RARRES1: variants seen among roughly 807,000 people sequenced by gnomAD.
The protein encoded by RARRES1 is retinoic acid receptor responder 1.
In RARRES1, 34 loss-of-function variants were observed where a neutral mutation model predicts 30.6. That is an observed-to-expected ratio of 1.11 (90% CI 0.84 to 1.48). RARRES1 has a LOEUF of 1.48. RARRES1 is among the 40% of genes most tolerant of loss of function. RARRES1 has a pLI of 0.00. For synonymous variants in RARRES1, 153 were observed against 155.5 expected (o/e 0.98, Z 0.12); for missense variants, 373 against 386.5 (o/e 0.97, Z 0.29).
At chr3:158,716,934 A>G (rs1294538468) in intron 1 of RARRES1, among the ~76,000 whole-genome samples, 1 of 152,142 alleles carries the variant, frequency 6.6e-6, no homozygotes, top group Non-Finnish European at 1.5e-5. Flanking sequence ...AAATGTTTAT[A>G]TTTTTGGTTG....
chr3:158,703,003 TACTC>T (rs1402721487), intron 4 of RARRES1, among the ~76,000 whole-genome samples: 1 of 152,232 alleles, frequency 6.6e-6, no homozygotes, highest in Non-Finnish European at 1.5e-5. Flanking sequence ...ACTCAGAAGA[TACTC>T]ACTGATGATC....
chr3:158,716,040 C>G (rs1727312478), intron 1 of RARRES1, among the ~76,000 whole-genome samples: 1 of 152,230 alleles, frequency 6.6e-6, no homozygotes, highest in African/African-American at 2.4e-5. Flanking sequence ...ACCGCAGCAC[C>G]TGGGAGTCTG....
intron 1 of RARRES1, among the ~76,000 whole-genome samples, chr3:158,729,292 T>A (rs890643886): frequency 3.0e-4 from 46 of 151,290 alleles, no homozygotes; most frequent in African/African-American, 1.1e-3. Flanking sequence ...AGCCCCTGCA[T>A]CCTCACTGGA....
chr3:158,720,266 A>ATG (rs375127638), intron 1 of RARRES1, among the ~76,000 whole-genome samples: 40,917 of 123,708 alleles, frequency 0.33, 5,022 homozygotes, highest in South Asian at 0.45. Context: ...GTGTGTGTGT[A>ATG]TGTGTGTGAG....
At chr3:158,730,412 C>CTTCCTTCT (rs1559877017) in intron 1 of RARRES1, among the ~76,000 whole-genome samples, 3 of 121,516 alleles carry the variant, frequency 2.5e-5, no homozygotes, top group African/African-American at 9.7e-5. Context: ...TCCTTCCTTC[C>CTTCCTTCT]TTCCTCTCTC....
At chr3:158,722,956 G>A (rs1378318463) in intron 1 of RARRES1, among the ~76,000 whole-genome samples, 1 of 151,212 alleles carries the variant, frequency 6.6e-6, no homozygotes, top group East Asian at 1.9e-4. Context: ...GCAAATAAAA[G>A]AGCAGGGATG....
intron 1 of RARRES1, among the ~76,000 whole-genome samples, chr3:158,716,426 T>C (rs1191976070): frequency 6.6e-6 from 1 of 152,190 alleles, no homozygotes; most frequent in Non-Finnish European, 1.5e-5. Flanking sequence ...GATATAATTG[T>C]GCATATTTTA....
rs1210208364 is a variant in RARRES1, at chr3:158,732,436, G to C, written c.-21C>G. The C allele has an allele frequency of 4.6e-6, 7 of 1,516,182 alleles. No individual in the cohort carries two copies. The highest frequency in any genetic ancestry group is 5.2e-5 in the East Asian group (2 of 38,558). The allele number at this position is 1,516,182 out of a possible 1,614,324, so 93.9% of individuals were successfully genotyped here. On this transcript the variant is annotated 5_prime_UTR_variant, in exon 1 of 6. Coordinates refer to ENST00000237696, the MANE Select transcript of RARRES1 (RefSeq NM_206963.2). ...TGCATGGACGCAGGAAAGTTGGCTC[G>C]GCACCCGACAGACACGGGCTCGGAG...
chr3:158,697,867 CT>C, intron 5 of RARRES1, 40 bp from the exon 6 acceptor site: 2 of 1,583,976 alleles, frequency 1.3e-6, no homozygotes, highest in Non-Finnish European at 1.7e-6. Flanking sequence ...TCTGCAAAAA[CT>C]TATGGTAAAA....
intron 4 of RARRES1, among the ~76,000 whole-genome samples, chr3:158,700,218 T>G (rs914581693): frequency 4.0e-5 from 6 of 150,666 alleles, no homozygotes; most frequent in Non-Finnish European, 1.5e-5. Context: ...TGTGTGTGTG[T>G]GTGTGTATAT....
At chr3:158,709,709 G>T (rs1239919966) in intron 3 of RARRES1, among the ~76,000 whole-genome samples, 1 of 152,210 alleles carries the variant, frequency 6.6e-6, no homozygotes, top group Non-Finnish European at 1.5e-5. Flanking sequence ...GTGGGAGAGG[G>T]TGGGACCATG....
At chr3:158,729,438 A>G (rs1429132746) in intron 1 of RARRES1, among the ~76,000 whole-genome samples, 2 of 151,694 alleles carry the variant, frequency 1.3e-5, no homozygotes, top group Non-Finnish European at 2.9e-5. Context: ...AAGTTATTTT[A>G]TTATTCCTTT....
intron 1 of RARRES1, among the ~76,000 whole-genome samples, chr3:158,730,498 T>C (rs1057138810): frequency 6.6e-6 from 1 of 151,580 alleles, no homozygotes; most frequent in Non-Finnish European, 1.5e-5. Context: ...CATTCTCTGC[T>C]CACTGCAACC....
intron 4 of RARRES1, among the ~76,000 whole-genome samples, chr3:158,699,440 C>A (rs1031942609): frequency 6.6e-6 from 1 of 150,656 alleles, no homozygotes; most frequent in Non-Finnish European, 1.5e-5. Flanking sequence ...AGCAACCCCC[C>A]CCCCACCAAA....
rs531801404 is a variant in RARRES1, at chr3:158,722,567, T to C, written c.277-8708A>G. On this transcript the variant is annotated intron_variant, in intron 1 of 5. Transcript: ENST00000237696. ...GGGACAGAGAATGGGTATTTATGTA[T>C]TCTAAGAGCACATTTAAAACATCAA... Among the ~76,000 whole-genome samples, 761 of 152,194 alleles carry C rather than the reference T, an allele frequency of 5.0e-3. 7 individuals are homozygous for C. Among genetic ancestry groups the C allele is most frequent in the Non-Finnish European group, 7.3e-3 (494 of 68,000 alleles).
chr3:158,725,321 G>A (rs1485615399), intron 1 of RARRES1, among the ~76,000 whole-genome samples: 1 of 152,198 alleles, frequency 6.6e-6, no homozygotes, highest in African/African-American at 2.4e-5. Context: ...TCTCTGGGGC[G>A]ATACACTGCT....
chr3:158,704,262 T>A (rs890183943), intron 4 of RARRES1, among the ~76,000 whole-genome samples: 1 of 126,102 alleles, frequency 7.9e-6, no homozygotes, highest in Non-Finnish European at 1.6e-5. Context: ...AGATGGCATC[T>A]CACTCTGTTG....
chr3:158,707,363 G>T (rs1439139844), intron 3 of RARRES1, among the ~76,000 whole-genome samples: 1 of 151,770 alleles, frequency 6.6e-6, no homozygotes, highest in Non-Finnish European at 1.5e-5. Context: ...GGGGGTGATG[G>T]GTCTATGAAG....
At chr3:158,702,028 TG>T (rs1301639736) in intron 4 of RARRES1, among the ~76,000 whole-genome samples, 2 of 152,056 alleles carry the variant, frequency 1.3e-5, no homozygotes, top group Non-Finnish European at 2.9e-5. Context: ...CATTTGTTTT[TG>T]TTTGTTTTGT....
Sources: allele counts gnomAD v4.1 joint callset (sites outside exome capture counted in the v4.1 genomes callset), GRCh38; gene constraint gnomAD v4.1.1; transcripts MANE v1.5; gene names NCBI Gene and HGNC (gene_info 2026-07-23, HGNC 2026-07-21).